The following BIRC6 variants were observed in gnomAD, a reference collection of about 807,000 sequenced individuals.
BIRC6 encodes baculoviral IAP repeat containing 6, also known as dual E2 ubiquitin-conjugating enzyme/E3 ubiquitin-protein ligase BIRC6.
In BIRC6, 98 loss-of-function variants were observed where a neutral mutation model predicts 503.3. The ratio of observed to expected loss-of-function variants is 0.19; its 90% CI spans 0.17 to 0.23. BIRC6 has a LOEUF of 0.23. BIRC6 is among the 10% of genes least tolerant of loss of function. BIRC6 has a pLI of 1.00. For synonymous variants in BIRC6, 2,240 were observed against 2,078.7 expected, an observed-to-expected ratio of 1.08 and a Z score of -2.11; for missense variants, 5,360 against 5,806.0, an observed-to-expected ratio of 0.92 and a Z score of 2.50.
At chr2:32,482,777 C>T (rs2050554850) in intron 39 of BIRC6, among the ~76,000 whole-genome samples, 195 bp downstream of exon 39, 1 of 152,014 alleles carries the variant, frequency 6.6e-6, no homozygotes, top group African/African-American at 2.4e-5. Flanking sequence ...GGTTCTCTGT[C>T]AGAATAACAC....
intron 55 of BIRC6, among the ~76,000 whole-genome samples, chr2:32,517,783 C>T (rs1281670319): frequency 4.6e-5 from 7 of 151,738 alleles, no homozygotes; most frequent in African/African-American, 1.2e-4. Flanking sequence ...GGTTTCACCA[C>T]GTTGCCTAGG....
intron 59 of BIRC6, chr2:32,527,093 A>G (rs558149018): frequency 2.6e-5 from 4 of 152,272 alleles, no homozygotes; most frequent in Non-Finnish European, 5.9e-5. Flanking sequence ...TGCTAATGCA[A>G]CTGGCATACA....
chr2:32,406,856 G>C (rs1428605917), intron 9 of BIRC6, among the ~76,000 whole-genome samples: 1 of 152,124 alleles, frequency 6.6e-6, no homozygotes, highest in Non-Finnish European at 1.5e-5. Flanking sequence ...AATGTATTCT[G>C]TTAACTAAAA....
chr2:32,545,545 T>C (rs2057999801), intron 62 of BIRC6, 98 bp from the exon 63 acceptor site: 15 of 973,302 alleles, frequency 1.5e-5, no homozygotes, highest in Non-Finnish European at 2.3e-5. Context: ...GGTATACTTT[T>C]GTATTACAGT....
intron 37 of BIRC6, among the ~76,000 whole-genome samples, chr2:32,480,747 T>C (rs566960913): frequency 2.0e-4 from 29 of 146,770 alleles, no homozygotes; most frequent in African/African-American, 7.0e-4. Context: ...GTTCAAGCGA[T>C]TCTCCTGCTT....
Position 32,392,165 on chromosome 2 carries a change from T to A in BIRC6, c.951+15T>A. 6.6e-7 allele frequency: 1 copy of A among 1,514,686 alleles called. No individual in the cohort carries two copies. The highest frequency in any genetic ancestry group is 9.0e-7 in the Non-Finnish European group (1 of 1,116,650). 93.8% of individuals were successfully genotyped at this position (1,514,686 alleles called of 1,614,324 possible). ...TTTATCATCAGGTAAAAAAAGAATATAAAAAAATACTTTTCTCAGTAGGCC... is the reference window on the plus strand; with the variant it reads ...TTTATCATCAGGTAAAAAAAGAATAAAAAAAAATACTTTTCTCAGTAGGCC... On this transcript the variant is annotated intron_variant, in intron 5 of 73. Coordinates refer to ENST00000421745, the MANE Select transcript of BIRC6 (RefSeq NM_016252.4).
intron 49 of BIRC6, 76 bp downstream of exon 49, chr2:32,503,312 A>C: frequency 1.6e-6 from 2 of 1,253,210 alleles, no homozygotes; most frequent in Non-Finnish European, 2.2e-6. Context: ...AAATTAGTTG[A>C]AGTCAGTTGA....
intron 66 of BIRC6, among the ~76,000 whole-genome samples, chr2:32,585,503 C>T (rs1325975196): frequency 1.3e-5 from 2 of 152,058 alleles, no homozygotes; most frequent in Admixed American, 1.3e-4. Context: ...CCTCAGCCTC[C>T]TGAGTAGCTG....
chr2:32,466,177 C>T (rs553114870), intron 26 of BIRC6, among the ~76,000 whole-genome samples: 72 of 152,000 alleles, frequency 4.7e-4, no homozygotes, highest in African/African-American at 1.7e-3. Context: ...AGCACTATTC[C>T]TAGAAGTTTA....
intron 3 of BIRC6, among the ~76,000 whole-genome samples, chr2:32,385,465 A>G (rs1372054422): frequency 6.6e-6 from 1 of 152,222 alleles, no homozygotes; most frequent in Non-Finnish European, 1.5e-5. Flanking sequence ...ATTTGTAGAC[A>G]TTAGTTTCGT....
chr2:32,494,492 C>A lies in BIRC6; in HGVS notation c.8468+825C>A, dbSNP rs985261746. Among the ~76,000 whole-genome samples, 4 of 152,010 alleles carry A rather than the reference C, an allele frequency of 2.6e-5. No homozygotes were observed. In the East Asian group the frequency reaches 7.7e-4, roughly 29 times the overall value. On this transcript the variant is annotated intron_variant, in intron 45 of 73. Transcript: ENST00000421745. ...CCGCCCGCCTCAGCCTCCCAAAGTG[C>A]TGGGATTACAGGTGTGAGCCACTGT...
intron 37 of BIRC6, 83 bp downstream of exon 37, chr2:32,479,700 T>A: frequency 8.0e-7 from 1 of 1,251,232 alleles, no homozygotes; most frequent in Non-Finnish European, 1.1e-6. Context: ...AAAAATAAAG[T>A]TGATTTTTAT....
chr2:32,610,879 C>G (rs2151721035), intron 72 of BIRC6, among the ~76,000 whole-genome samples: 1 of 147,008 alleles, frequency 6.8e-6, no homozygotes, highest in South Asian at 2.2e-4. Context: ...AGCAATTGTC[C>G]TGCCTCAGCC....
chr2:32,575,777 A>AAAAT (rs2060228364), intron 66 of BIRC6, among the ~76,000 whole-genome samples: 1 of 152,056 alleles, frequency 6.6e-6, no homozygotes, highest in African/African-American at 2.4e-5. Context: ...AAAAAAAAAA[A>AAAAT]GAAAGAAACA....
chr2:32,397,688 ATATG>A (rs1395415222), intron 6 of BIRC6, among the ~76,000 whole-genome samples: 1 of 117,980 alleles, frequency 8.5e-6, no homozygotes, highest in Non-Finnish European at 1.8e-5. Flanking sequence ...ACACACATAT[ATATG>A]TACACACACA....
chr2:32,483,806 T>TC (rs566364966), intron 39 of BIRC6, among the ~76,000 whole-genome samples: 13 of 152,066 alleles, frequency 8.5e-5, no homozygotes, highest in African/African-American at 2.2e-4. Flanking sequence ...CAAATAATGC[T>TC]CCCCCCCAAC....
chr2:32,478,498 A>G (rs2050022129), intron 35 of BIRC6, 137 bp from the exon 36 acceptor site: 1 of 613,294 alleles, frequency 1.6e-6, no homozygotes, highest in Non-Finnish European at 2.5e-6. Flanking sequence ...CATCTCAAGC[A>G]ATTTTTTTTG....
chr2:32,613,458 G>T (rs1422275466), intron 73 of BIRC6, among the ~76,000 whole-genome samples: 2 of 151,938 alleles, frequency 1.3e-5, no homozygotes, highest in Non-Finnish European at 2.9e-5. Context: ...TCAGCTCACT[G>T]CAGCCTTAAC....
chr2:32,453,860 C>T lies in BIRC6; in HGVS notation c.4671C>T (p.Leu1557=). Residue 1557 remains leucine, a synonymous_variant, in exon 23 of 74, where the codon CTC becomes CTT. Transcript: ENST00000421745. ...CTAAEGSFTS[L]TGLLEVEPLH... is the part of the protein sequence containing the mutation. ...CTGCTGAGGGTAGTTTCACATCTCT[C>T]ACTGGACTTTTGGAAGTTGAACCTC... 1 of 1,613,738 alleles carries T rather than the reference C, an allele frequency of 6.2e-7. No individual in the cohort carries two copies. Among genetic ancestry groups the T allele is most frequent in the Non-Finnish European group, 8.5e-7 (1 of 1,179,698 alleles).
Sources: allele counts gnomAD v4.1 joint callset (sites outside exome capture counted in the v4.1 genomes callset), GRCh38; gene constraint gnomAD v4.1.1; transcripts MANE v1.5; gene names NCBI Gene and HGNC (gene_info 2026-07-23, HGNC 2026-07-21).